IPO8: variants seen among roughly 807,000 people sequenced by gnomAD.
IPO8 encodes importin 8.
A neutral mutation model predicts 141.2 loss-of-function variants in IPO8; 65 were observed. The ratio of observed to expected loss-of-function variants is 0.46; its 90% CI spans 0.38 to 0.57. The LOEUF (loss-of-function observed/expected upper bound fraction) is 0.57. Ranked by LOEUF, IPO8 falls within the 20% of genes least tolerant of loss-of-function variation. The pLI is 0.00. For synonymous variants in IPO8, 411 were observed against 420.3 expected, an observed-to-expected ratio of 0.98 and a Z score of 0.27; for missense variants, 980 against 1,246.8, an observed-to-expected ratio of 0.79 and a Z score of 3.22.
Position 30,695,843 on chromosome 12 carries a change from C to A in IPO8, c.-196G>T. On this transcript the variant is annotated 5_prime_UTR_variant, in exon 1 of 25. Transcript: ENST00000256079. This position sits in a 1 kb window ranked among gnomAD's most constrained non-coding sequence, Gnocchi z 4.2. ...CCCTGTCCTCCCTTTTTCCCCCCCA[C>A]AACTCGCTCTCCATTCACCGTTTTA... 1.9e-6 allele frequency: 1 copy of A among 534,188 alleles called. No individual in the cohort carries two copies. Among genetic ancestry groups the A allele is most frequent in the East Asian group, 3.3e-5 (1 of 30,644 alleles). The allele number at this position is 534,188 out of a possible 1,614,324, so 33.1% of individuals were successfully genotyped here. A position where few individuals can be genotyped will look rare whatever the true frequency, so the allele number is the denominator to read the frequency against.
Position 30,639,565 on chromosome 12 carries a change from GAT to G in IPO8, c.2437_2438del (p.Ile813HisfsTer11). On this transcript the variant is annotated frameshift_variant, in exon 21 of 25. Coordinates refer to ENST00000256079, the MANE Select transcript of IPO8 (RefSeq NM_006390.4). LOFTEE classifies it high-confidence loss of function. ...RIQLPHNPGP[I>X]TVQFINQWMN... ...TCCATTGATTTATAAACTGTACAGT[GAT>G]AGGTCCAGGGTTGTGAGGCAACTGA... The G allele has an allele frequency of 6.2e-7, 1 of 1,613,998 alleles. No individual in the cohort carries two copies. The highest frequency in any genetic ancestry group is 8.5e-7 in the Non-Finnish European group (1 of 1,179,878).
At chr12:30,692,877 C>T (rs1001964677) in intron 1 of IPO8, among the ~76,000 whole-genome samples, 12 of 152,160 alleles carry the variant, frequency 7.9e-5, no homozygotes, top group African/African-American at 1.9e-4. Context: ...CACTCTTGCT[C>T]GGGCTTTACT....
rs1056005643 is a variant in IPO8 at position 30,695,140 on chromosome 12, G to A, written c.84+424C>T. On this transcript the variant is annotated intron_variant, in intron 1 of 24. Transcript: ENST00000256079. This position sits in a 1 kb window ranked among gnomAD's most constrained non-coding sequence, Gnocchi z 4.2. ...GAGGCGGTGGGCAGCGTGCTCCACA[G>A]CAACACCTAAAAAGGGCTGGGTTTG... 1.5e-5 allele frequency: 6 copies of A among 404,780 alleles called. No individual in the cohort carries two copies. The highest frequency in any genetic ancestry group is 1.3e-4 in the African/African-American group (6 of 47,766). The allele number at this position is 404,780 out of a possible 1,614,324, so 25.1% of individuals were successfully genotyped here. A position where few individuals can be genotyped will look rare whatever the true frequency, so the allele number is the denominator to read the frequency against.
chr12:30,677,386 A>G (rs1027624207), intron 5 of IPO8: 1 of 337,626 alleles, frequency 3.0e-6, no homozygotes, highest in Admixed American at 4.1e-5. Flanking sequence ...CCAGCTGTAT[A>G]AAGTATAGCA....
intron 20 of IPO8, among the ~76,000 whole-genome samples, chr12:30,646,754 T>C (rs1372320804): frequency 1.3e-5 from 2 of 152,100 alleles, no homozygotes; most frequent in African/African-American, 4.8e-5. Flanking sequence ...ATAAAAATAT[T>C]TTAGGAATAG....
intron 21 of IPO8, among the ~76,000 whole-genome samples, chr12:30,638,675 C>G (rs746077605): frequency 2.0e-5 from 3 of 151,418 alleles, no homozygotes; most frequent in Non-Finnish European, 4.4e-5. Flanking sequence ...CTCACTCTTC[C>G]TATTTTTTTG....
rs562085603 is a variant in IPO8 at position 30,644,244 on chromosome 12, T to A, written c.2269-4509A>T. ...TGAGCTGGGCATGGTGGCATATGCC[T>A]GTAGTCAGTCCCAGCTACTCAGGAG... On this transcript the variant is annotated intron_variant, in intron 20 of 24. Coordinates refer to ENST00000256079, the MANE Select transcript of IPO8 (RefSeq NM_006390.4). Among the ~76,000 whole-genome samples the A allele has an allele frequency of 7.2e-5, 11 of 152,058 alleles. No individual in the cohort carries two copies. The South Asian group carries it at 2.3e-3, about 32-fold the overall frequency.
At chr12:30,644,185 T>A (rs781048932) in intron 20 of IPO8, among the ~76,000 whole-genome samples, 1 of 151,840 alleles carries the variant, frequency 6.6e-6, no homozygotes, top group Non-Finnish European at 1.5e-5. Context: ...CAAAACCACA[T>A]AGTGAGACCT....
At chr12:30,644,282 G>A (rs1204439492) in intron 20 of IPO8, among the ~76,000 whole-genome samples, 1 of 151,682 alleles carries the variant, frequency 6.6e-6, no homozygotes, top group African/African-American at 2.4e-5. Flanking sequence ...AAGATGGGAG[G>A]ATCACCTGGG....
chr12:30,639,708 A>G lies in IPO8; in HGVS notation c.2296T>C (p.Leu766=). 6.2e-7 allele frequency: 1 copy of G among 1,614,124 alleles called. No homozygotes were observed. Among genetic ancestry groups the G allele is most frequent in the Non-Finnish European group, 8.5e-7 (1 of 1,179,994 alleles). ...TTGACCCCTCGAGTTAATCTCTCCA[A>G]AACAAGTTGAACGAAGAGTGGAATG... is the stretch of plus-strand genomic sequence containing the variant. ...QCIPLFVQLV[L]ERLTRGVKTS... Residue 766 remains leucine (L), a synonymous_variant, in exon 21 of 25, where the codon TTG becomes CTG. Transcript: ENST00000256079.
intron 8 of IPO8, among the ~76,000 whole-genome samples, chr12:30,673,297 C>T (rs1050679591): frequency 2.0e-5 from 3 of 152,118 alleles, no homozygotes; most frequent in African/African-American, 7.2e-5. Flanking sequence ...GTCAGTAAAG[C>T]TTTTCCCTAT....
At chr12:30,635,808 T>C (rs2052493728) in intron 22 of IPO8, among the ~76,000 whole-genome samples, 2 of 152,022 alleles carry the variant, frequency 1.3e-5, no homozygotes, top group Admixed American at 1.3e-4. Context: ...TAACTATTAA[T>C]ACAAAAAGAC....
At chr12:30,647,297 A>T (rs140228880) in intron 20 of IPO8, among the ~76,000 whole-genome samples, 5 of 152,316 alleles carry the variant, frequency 3.3e-5, no homozygotes, top group African/African-American at 1.2e-4. Flanking sequence ...ATTATGTACA[A>T]AAATTAACTC....
At chr12:30,659,687 T>TA (rs540065902) in intron 16 of IPO8, among the ~76,000 whole-genome samples, 31 of 150,034 alleles carry the variant, frequency 2.1e-4, no homozygotes, top group African/African-American at 7.1e-4. Context: ...CCGTCTCTAA[T>TA]AAAAAAAATT....
chr12:30,629,578 A>AACATATTACTG lies in IPO8; in HGVS notation c.*1281_*1282insCAGTAATATGT, dbSNP rs2052402770. 1 of 152,244 alleles carries AACATATTACTG rather than the reference A, an allele frequency of 6.6e-6. No homozygotes were observed. The highest frequency in any genetic ancestry group is 6.5e-5 in the Admixed American group (1 of 15,292). 9.4% of individuals were successfully genotyped at this position (152,244 alleles called of 1,614,324 possible). A position where few individuals can be genotyped will look rare whatever the true frequency, so the allele number is the denominator to read the frequency against. On this transcript the variant is annotated 3_prime_UTR_variant, in exon 25 of 25. Coordinates refer to ENST00000256079, the MANE Select transcript of IPO8 (RefSeq NM_006390.4). The stretch of plus-strand genomic sequence containing the variant: ...CAATTCCACAGAAAGCAAAATCTGT[A>AACATATTACTG]TCACATCCAGTAATATGTTAAGTTC...
intron 20 of IPO8, among the ~76,000 whole-genome samples, chr12:30,647,522 G>T (rs1425417797): frequency 6.8e-6 from 1 of 147,234 alleles, no homozygotes; most frequent in African/African-American, 2.5e-5. Context: ...GGCTGAGGTG[G>T]GAGGATTTGG....
intron 16 of IPO8, among the ~76,000 whole-genome samples, chr12:30,660,807 AGAAAGCTG>A (rs1229207234): frequency 1.3e-5 from 2 of 152,156 alleles, no homozygotes; most frequent in African/African-American, 4.8e-5. Context: ...GTTGGTTCCC[AGAAAGCTG>A]GGCTCATTTC....
chr12:30,646,697 C>G (rs1196781088), intron 20 of IPO8, among the ~76,000 whole-genome samples: 1 of 151,694 alleles, frequency 6.6e-6, no homozygotes, highest in African/African-American at 2.4e-5. Context: ...GGCAACAAAC[C>G]TGAAAATAAA....
chr12:30,631,470 T>A (rs1335877425), intron 24 of IPO8, among the ~76,000 whole-genome samples: 1 of 152,036 alleles, frequency 6.6e-6, no homozygotes, highest in East Asian at 1.9e-4. Context: ...CAAGAAACAA[T>A]GTCAAATAAA....
Sources: gnomAD v4.1 joint callset for allele counts (sites outside exome capture counted in the v4.1 genomes callset) on GRCh38, gnomAD v4.1.1 for gene constraint, Gnocchi (gnomAD v3.1) non-coding constraint, MANE v1.5 for transcripts, NCBI Gene and HGNC (gene_info 2026-07-23, HGNC 2026-07-21) for gene names.